Variants in TLR4 observed in about 807,000 individuals in gnomAD.
The protein encoded by TLR4 is toll like receptor 4, also known as toll-like receptor 4.
TLR4 carries 17 observed loss-of-function variants against 27.4 expected under a neutral mutation model. That is an observed-to-expected ratio of 0.62 (90% CI 0.42 to 0.93). The LOEUF (loss-of-function observed/expected upper bound fraction) is 0.93. Ranked by LOEUF, TLR4 falls within the 40% of genes least tolerant of loss-of-function variation. The pLI is 0.00. For missense variants in TLR4, 926 were observed against 962.3 expected, an observed-to-expected ratio of 0.96 and a Z score of 0.50; for synonymous variants, 363 against 365.7, an observed-to-expected ratio of 0.99 and a Z score of 0.08.
In TLR4 at chr9:117,715,680, A is replaced by G. The variant is rs1223584632; in HGVS notation, c.*1032A>G. On this transcript the variant is annotated 3_prime_UTR_variant, in exon 3 of 3. Coordinates refer to ENST00000355622, the MANE Select transcript of TLR4 (RefSeq NM_138554.5). ...GTTGCAGCAGAAGTTTATTTTTTTC[A>G]GAACAAGTGATGTTTGATGGACCTC... is the stretch of plus-strand genomic sequence containing the variant. 1 of 152,170 alleles carries G rather than the reference A, an allele frequency of 6.6e-6. No individual in the cohort carries two copies. Among genetic ancestry groups the G allele is most frequent in the African/African-American group, 2.4e-5 (1 of 41,436 alleles). The allele number at this position is 152,170 out of a possible 1,614,324, so 9.4% of individuals were successfully genotyped here.
rs1829380088 is a variant in TLR4, at chr9:117,718,077, T to G, written c.*3429T>G. Reference sequence around the variant, plus strand: ...ATTCACAAAACTATATATTTGAATATCTCATTAGCTGAGTAAGGTAGCAAA... The same window carrying G: ...ATTCACAAAACTATATATTTGAATAGCTCATTAGCTGAGTAAGGTAGCAAA... On this transcript the variant is annotated 3_prime_UTR_variant, in exon 3 of 3. Coordinates refer to ENST00000355622, the MANE Select transcript of TLR4 (RefSeq NM_138554.5). The G allele has an allele frequency of 6.6e-6, 1 of 152,202 alleles. No homozygotes were observed. Among genetic ancestry groups the G allele is most frequent in the South Asian group, 2.1e-4 (1 of 4,834 alleles). The allele number at this position is 152,202 out of a possible 1,614,324, so 9.4% of individuals were successfully genotyped here.
chr9:117,713,511 T>TG lies in TLR4; in HGVS notation c.1384dup (p.Ala462GlyfsTer56). ...ACATTTCTCATACTCACACCAGAGT[T>TG]GCTTTCAATGGCATCTTCAATGGCT... On this transcript the variant is annotated frameshift_variant, in exon 3 of 3. Coordinates refer to ENST00000355622, the MANE Select transcript of TLR4 (RefSeq NM_138554.5). LOFTEE classifies it low-confidence loss of function (END_TRUNC). 1 of 1,614,170 alleles carries TG rather than the reference T, an allele frequency of 6.2e-7. No homozygotes were observed. Among genetic ancestry groups the TG allele is most frequent in the African/African-American group, 1.3e-5 (1 of 75,064 alleles).
At position 117,713,999 on chromosome 9, in the gene TLR4, A is replaced by C. The variant is rs199948408; in HGVS notation, c.1871A>C (p.Asn624Thr). The stretch of plus-strand genomic sequence containing the variant: ...CAGGGCATGCCTGTGCTGAGTTTGA[A>C]TATCACCTGTCAGATGAATAAGACC... ...DKQGMPVLSL[N>T]ITCQMNKTII... The change falls in exon 3 of 3, where the codon AAT becomes ACT. Residue 624 changes from asparagine to threonine, a missense_variant. Transcript: ENST00000355622. The C allele has an allele frequency of 8.1e-6, 13 of 1,613,850 alleles. No homozygotes were observed. Among genetic ancestry groups the C allele is most frequent in the Non-Finnish European group, 1.0e-5 (12 of 1,179,984 alleles).
At chr9:117,706,895 C>A (rs2131162999) in intron 1 of TLR4, among the ~76,000 whole-genome samples, 1 of 152,302 alleles carries the variant, frequency 6.6e-6, no homozygotes, top group South Asian at 2.1e-4. Flanking sequence ...TCATATTTTT[C>A]TTTGTAATGC....
At position 117,714,265 on chromosome 9, in the gene TLR4, A is replaced by G; in HGVS notation, c.2137A>G (p.Ile713Val). 1 of 1,597,478 alleles carries G rather than the reference A, an allele frequency of 6.3e-7. No individual in the cohort carries two copies. Among genetic ancestry groups the G allele is most frequent in the Non-Finnish European group, 8.6e-7 (1 of 1,167,836 alleles). ...GCTCTGCCTTCACTACAGAGACTTT[A>G]TTCCCGGTGTGGCCATTGCTGCCAA... ...FQLCLHYRDFIPGVAIAANII... is the reference protein window; with the variant it reads ...FQLCLHYRDFVPGVAIAANII... The change falls in exon 3 of 3, where the codon ATT (isoleucine) becomes GTT (valine). Residue 713 changes from isoleucine to valine, a missense_variant. Coordinates refer to ENST00000355622, the MANE Select transcript of TLR4 (RefSeq NM_138554.5).
chr9:117,708,089 A>G, intron 1 of TLR4: 3 of 644,268 alleles, frequency 4.7e-6, no homozygotes, highest in Non-Finnish European at 5.9e-6. Context: ...TGTATGTGCT[A>G]CTGCAGCAAG....
rs1156854282 is a variant in TLR4 at position 117,713,280 on chromosome 9, C to T, written c.1152C>T (p.Gly384=). ...AGTTTCTAGATCTCAGTAGAAATGG[C>T]TTGAGTTTCAAAGGTTGCTGTTCTC... The part of the protein sequence containing the change: ...SLEFLDLSRN[G]LSFKGCCSQS... Residue 384 remains glycine, a synonymous_variant, in exon 3 of 3, where the codon GGC becomes GGT. Transcript: ENST00000355622. 3.1e-6 allele frequency: 5 copies of T among 1,613,854 alleles called. No homozygotes were observed. The Admixed American group carries it at 8.3e-5, about 27-fold the overall frequency.
chr9:117,714,436 G>T lies in TLR4; in HGVS notation c.2308G>T (p.Val770Phe). 1 of 1,613,918 alleles carries T rather than the reference G, an allele frequency of 6.2e-7. No homozygotes were observed. ...CAGTCGTGCTGGTATCATCTTCATT[G>T]TCCTGCAGAAGGTGGAGAAGACCCT... ...LSSRAGIIFI[V>F]LQKVEKTLLR... The change falls in exon 3 of 3, where the codon GTC becomes TTC. Residue 770 changes from valine (V) to phenylalanine (F), a missense_variant. By Grantham distance (50) the Val-to-Phe change is conservative. Coordinates refer to ENST00000355622, the MANE Select transcript of TLR4 (RefSeq NM_138554.5).
In TLR4 at chr9:117,704,764, T is replaced by G. The variant is rs1829108340; in HGVS notation, c.93+199T>G. Among the ~76,000 whole-genome samples, 4 of 152,218 alleles carry G rather than the reference T, an allele frequency of 2.6e-5. No individual in the cohort carries two copies. The South Asian group carries it at 8.3e-4, about 32-fold the overall frequency. ...ATTGGGGGTTTGTTCCATTTGGAAA[T>G]TTTGAGTGCTAACAGGGGCATGAGA... On this transcript the variant is annotated intron_variant, in intron 1 of 2. Transcript: ENST00000355622.
chr9:117,708,498 T>C, intron 1 of TLR4, 65 bp from the exon 2 acceptor site: 1 of 1,611,162 alleles, frequency 6.2e-7, no homozygotes, highest in East Asian at 2.2e-5. Context: ...CCATCTCTGG[T>C]CTAGGAGAGG....
rs754642038 is a variant in TLR4, at chr9:117,714,335, T to C, written c.2207T>C (p.Val736Ala). The C allele has an allele frequency of 1.3e-5, 21 of 1,599,380 alleles. No individual in the cohort carries two copies. Among genetic ancestry groups the C allele is most frequent in the Non-Finnish European group, 1.4e-5 (16 of 1,168,378 alleles). The change falls in exon 3 of 3, where the codon GTG becomes GCG. Residue 736 changes from valine (V) to alanine (A), a missense_variant. Physicochemically the swap from Val to Ala is moderately conservative, Grantham distance 64. Coordinates refer to ENST00000355622, the MANE Select transcript of TLR4 (RefSeq NM_138554.5). ...CATAAAAGCCGAAAGGTGATTGTTG[T>C]GGTGTCCCAGCACTTCATCCAGAGC... is the stretch of plus-strand genomic sequence containing the variant. ...GFHKSRKVIV[V>A]VSQHFIQSRW...
At position 117,713,396 on chromosome 9, in the gene TLR4, A is replaced by G; in HGVS notation, c.1268A>G (p.Gln423Arg). Residue 423 changes from glutamine (Q) to arginine (R), a missense_variant, in exon 3 of 3, where the codon CAA becomes CGA. Transcript: ENST00000355622. Reference sequence around the variant, plus strand: ...AGTTCAAACTTCTTGGGCTTAGAACAACTAGAACATCTGGATTTCCAGCAT... The same window carrying G: ...AGTTCAAACTTCTTGGGCTTAGAACGACTAGAACATCTGGATTTCCAGCAT... ...TMSSNFLGLE[Q>R]LEHLDFQHSN... is the part of the protein sequence containing the mutation. 6.2e-7 allele frequency: 1 copy of G among 1,614,074 alleles called. No homozygotes were observed. The highest frequency in any genetic ancestry group is 8.5e-7 in the Non-Finnish European group (1 of 1,179,960).
rs1383009042 is a variant in TLR4 at position 117,712,562 on chromosome 9, C to T, written c.434C>T (p.Pro145Leu). Residue 145 changes from proline (P) to leucine (L), a missense_variant, in exon 3 of 3, where the codon CCC becomes CTC. By Grantham distance (98) the Pro-to-Leu change is moderately conservative. Coordinates refer to ENST00000355622, the MANE Select transcript of TLR4 (RefSeq NM_138554.5). ...ETNLASLENF[P>L]IGHLKTLKEL... is the part of the protein sequence containing the mutation. ...AATCTAGCATCTCTAGAGAACTTCC[C>T]CATTGGACATCTCAAAACTTTGAAA... The T allele has an allele frequency of 6.2e-7, 1 of 1,613,838 alleles. No individual in the cohort carries two copies. Among genetic ancestry groups the T allele is most frequent in the African/African-American group, 1.3e-5 (1 of 74,888 alleles).
chr9:117,705,149 A>G (rs1829116007), intron 1 of TLR4, among the ~76,000 whole-genome samples: 1 of 152,196 alleles, frequency 6.6e-6, no homozygotes, highest in African/African-American at 2.4e-5. Flanking sequence ...GAAAAAAGCA[A>G]GAGGGAAATA....
intron 2 of TLR4, among the ~76,000 whole-genome samples, chr9:117,710,002 G>A (rs1829203840): frequency 6.6e-6 from 1 of 151,860 alleles, no homozygotes; most frequent in Admixed American, 6.6e-5. Context: ...TTAATATGCT[G>A]TATATATTTA....
chr9:117,712,038 G>A (rs903020548), intron 2 of TLR4, among the ~76,000 whole-genome samples: 1 of 152,098 alleles, frequency 6.6e-6, no homozygotes, highest in Non-Finnish European at 1.5e-5. Flanking sequence ...ACAGAAAATG[G>A]CTAAACTTGA....
At position 117,713,983 on chromosome 9, in the gene TLR4, C is replaced by G. The variant is rs1179502477; in HGVS notation, c.1855C>G (p.Pro619Ala). Reference protein sequence around the residue: ...CATPSDKQGMPVLSLNITCQM... With the variant: ...CATPSDKQGMAVLSLNITCQM... ...AACACCTTCAGATAAGCAGGGCATG[C>G]CTGTGCTGAGTTTGAATATCACCTG... The change falls in exon 3 of 3, where the codon CCT becomes GCT. Residue 619 changes from proline to alanine, a missense_variant. Pro to Ala is a conservative substitution (Grantham distance 27, BLOSUM62 -1). Coordinates refer to ENST00000355622, the MANE Select transcript of TLR4 (RefSeq NM_138554.5). 1 of 1,613,958 alleles carries G rather than the reference C, an allele frequency of 6.2e-7. No individual in the cohort carries two copies. The highest frequency in any genetic ancestry group is 1.7e-5 in the Admixed American group (1 of 59,988).
rs1271167853 is a variant in TLR4 at position 117,723,775 on chromosome 9, GAGA to G, written c.*9132_*9134del. The stretch of plus-strand genomic sequence containing the variant: ...TTGGTCAGTTTTAATTATCTTAAAG[GAGA>G]AGAATACAGTTTCTCTAAACTCAAG... On this transcript the variant is annotated 3_prime_UTR_variant, in exon 3 of 3. Transcript: ENST00000355622. 6.6e-6 allele frequency: 1 copy of G among 152,050 alleles called. No individual in the cohort carries two copies. Among genetic ancestry groups the G allele is most frequent in the Non-Finnish European group, 1.5e-5 (1 of 68,012 alleles). 9.4% of individuals were successfully genotyped at this position (152,050 alleles called of 1,614,324 possible).
chr9:117,708,255 G>T, intron 1 of TLR4: 1 of 1,133,120 alleles, frequency 8.8e-7, no homozygotes, highest in Non-Finnish European at 1.1e-6. Context: ...TTCAGACTCC[G>T]GAGCCTCAGC....
Sources: allele counts gnomAD v4.1 joint callset (sites outside exome capture counted in the v4.1 genomes callset), GRCh38; gene constraint gnomAD v4.1.1; transcripts MANE v1.5; gene names NCBI Gene and HGNC (gene_info 2026-07-23, HGNC 2026-07-21).